KIFC3: variants seen among roughly 807,000 people sequenced by gnomAD.
KIFC3 encodes the protein kinesin-like protein KIFC3.
In KIFC3, 60 loss-of-function variants were observed where a neutral mutation model predicts 101.8. The ratio of observed to expected loss-of-function variants is 0.59; its 90% CI spans 0.48 to 0.73. The LOEUF is 0.73. Among genes scored for constraint, KIFC3 ranks in the 30% least tolerant of loss-of-function variants. The pLI, the probability that KIFC3 is intolerant of heterozygous loss-of-function variation, is 0.00. For synonymous variants in KIFC3, 476 were observed against 482.7 expected (o/e 0.99, Z 0.18); for missense variants, 966 against 1,137.1 (o/e 0.85, Z 2.16).
chr16:57,846,341 T>C (rs1420554041), intron 1 of KIFC3: 9 of 152,324 alleles, frequency 5.9e-5, no homozygotes, highest in African/African-American at 2.2e-4. Flanking sequence ...TACACATCTT[T>C]TCCCTACCTG....
chr16:57,794,948 T>G (rs1234445783), intron 3 of KIFC3, 51 bp downstream of exon 3: 6 of 1,476,958 alleles, frequency 4.1e-6, no homozygotes, highest in Non-Finnish European at 5.3e-6. Context: ...ACCCAGCCAC[T>G]GGAGCTCAGA....
chr16:57,825,123 C>T (rs2055431766), intron 1 of KIFC3, among the ~76,000 whole-genome samples: 1 of 152,218 alleles, frequency 6.6e-6, no homozygotes, highest in African/African-American at 2.4e-5. Flanking sequence ...GTAGATTGCC[C>T]AGCCCTTGGG....
rs375415997 is a variant in KIFC3, at chr16:57,765,556, T to C, written c.1415A>G (p.Asp472Gly). The change falls in exon 11 of 20, where the codon GAT becomes GGT. Residue 472 changes from aspartate (D) to glycine (G), a missense_variant. Physicochemically the swap from Asp to Gly is moderately conservative, Grantham distance 94 (BLOSUM62 -1). This residue lies in a region of KIFC3 where 689 missense variants were observed against 884.6 expected (regional missense o/e 0.78). Transcript: ENST00000445690. Reference sequence around the variant, plus strand: ...GTGGATGATGGAGTCGTCGTCGGCATCGAAAGTCACAGCATTGGTGGCCTC... The same window carrying C: ...GTGGATGATGGAGTCGTCGTCGGCACCGAAAGTCACAGCATTGGTGGCCTC... Reference protein sequence around the residue: ...GPEATNAVTFDADDDSIIHLL... With the variant: ...GPEATNAVTFGADDDSIIHLL... 7 of 1,607,108 alleles carry C rather than the reference T, an allele frequency of 4.4e-6. No individual in the cohort carries two copies. The highest frequency in any genetic ancestry group is 5.9e-6 in the Non-Finnish European group (7 of 1,176,504).
intron 1 of KIFC3, among the ~76,000 whole-genome samples, chr16:57,834,939 T>C (rs6499915): frequency 1 from 152,208 of 152,384 alleles, 76,017 homozygotes; most frequent in Non-Finnish European, 1. Context: ...TGCCAATAGC[T>C]TTTCCCAAGG....
chr16:57,859,372 A>G (rs2056245724), intron 1 of KIFC3, among the ~76,000 whole-genome samples: 1 of 152,176 alleles, frequency 6.6e-6, no homozygotes, highest in Non-Finnish European at 1.5e-5. Context: ...GTCTGCTTCC[A>G]CTTCTAGACT....
intron 1 of KIFC3, among the ~76,000 whole-genome samples, chr16:57,854,906 C>T (rs1169817552): frequency 6.6e-6 from 1 of 152,036 alleles, no homozygotes; most frequent in Non-Finnish European, 1.5e-5. Flanking sequence ...CAACACACTT[C>T]TAAATAATCC....
At chr16:57,791,603 C>A (rs114541210) in intron 3 of KIFC3, among the ~76,000 whole-genome samples, 3 of 152,096 alleles carry the variant, frequency 2.0e-5, no homozygotes, top group Non-Finnish European at 2.9e-5. Context: ...TGTGGGGGCC[C>A]GCCAGGATGT....
chr16:57,795,602 GT>G lies in KIFC3; in HGVS notation c.173-462del, dbSNP rs2054225602. ...ATCCAAACCAGGTGGCCCAGCCTCC[GT>G]TGCCTCCCCAAGCGTATTCAGAACC... On this transcript the variant is annotated intron_variant, in intron 2 of 19. Transcript: ENST00000445690. Among the ~76,000 whole-genome samples, 5 of 152,296 alleles carry G rather than the reference GT, an allele frequency of 3.3e-5. No individual in the cohort carries two copies. In the East Asian group the frequency reaches 7.7e-4, roughly 24 times the overall value.
At position 57,769,482 on chromosome 16, in the gene KIFC3, G is replaced by T; in HGVS notation, c.1218+113C>A. On this transcript the variant is annotated intron_variant, in intron 9 of 19. Coordinates refer to ENST00000445690, the MANE Select transcript of KIFC3 (RefSeq NM_001130100.2). The surrounding 1 kb of genome is among the most constrained non-coding windows in gnomAD (Gnocchi z 4.3). ...AAGTGTCATGGGGGGTGGGGCAGGG[G>T]CTGCTGTCTGAGCGGCTTTGTCTGA... The T allele has an allele frequency of 7.4e-7, 1 of 1,349,574 alleles. No homozygotes were observed. The highest frequency in any genetic ancestry group is 1.0e-6 in the Non-Finnish European group (1 of 992,022). 83.6% of individuals were successfully genotyped at this position (1,349,574 alleles called of 1,614,324 possible). A position where few individuals can be genotyped will look rare whatever the true frequency, so the allele number is the denominator to read the frequency against.
chr16:57,759,443 C>G, intron 18 of KIFC3: 1 of 583,990 alleles, frequency 1.7e-6, no homozygotes, highest in Non-Finnish European at 3.0e-6. Context: ...AGCCCATGCT[C>G]AGAGAGCAGG....
chr16:57,802,317 G>T lies in KIFC3; in HGVS notation c.-40+53C>A. 1.1e-6 allele frequency: 1 copy of T among 912,636 alleles called. No individual in the cohort carries two copies. The highest frequency in any genetic ancestry group is 1.3e-6 in the Non-Finnish European group (1 of 764,032). 56.5% of individuals were successfully genotyped at this position (912,636 alleles called of 1,614,324 possible). The stretch of plus-strand genomic sequence containing the variant: ...GACGCGGCGCCCCAAACGGCGGGCC[G>T]GGCAGAGCCCAGCGCCCCGCTCGCA... On this transcript the variant is annotated intron_variant, in intron 1 of 19. Coordinates refer to ENST00000445690, the MANE Select transcript of KIFC3 (RefSeq NM_001130100.2). The surrounding 1 kb of genome is among the most constrained non-coding windows in gnomAD (Gnocchi z 5.0).
At chr16:57,812,813 G>A (rs999096410) in intron 1 of KIFC3, among the ~76,000 whole-genome samples, 33 of 152,338 alleles carry the variant, frequency 2.2e-4, no homozygotes, top group African/African-American at 7.7e-4. Flanking sequence ...TGTGAGTAAG[G>A]AATACCTGCT....
intron 1 of KIFC3, chr16:57,815,634 G>C (rs1555628626): frequency 4.7e-6 from 6 of 1,289,836 alleles, no homozygotes; most frequent in Non-Finnish European, 6.1e-6. Context: ...TGGAAACGGA[G>C]GCTCCAAAAA....
intron 1 of KIFC3, among the ~76,000 whole-genome samples, chr16:57,798,958 C>T (rs1478507791): frequency 1.3e-5 from 2 of 152,194 alleles, no homozygotes; most frequent in African/African-American, 2.4e-5. Flanking sequence ...CAGGCATCTG[C>T]CAGGGGTCCT....
Position 57,812,026 on chromosome 16 carries a change from G to A in KIFC3, c.109-13744C>T, listed in dbSNP as rs536618526. Among the ~76,000 whole-genome samples, 3 of 150,310 alleles carry A rather than the reference G, an allele frequency of 2.0e-5. No individual in the cohort carries two copies. The South Asian group carries it at 6.3e-4, about 32-fold the overall frequency. On this transcript the variant is annotated intron_variant, in intron 1 of 2. Transcript: ENST00000563028. ...CCACTGCACTACAGCCTAGGTGACAGAGCGAGACCCCGTCTCTCTCTTTTT... is the reference window on the plus strand; with the variant it reads ...CCACTGCACTACAGCCTAGGTGACAAAGCGAGACCCCGTCTCTCTCTTTTT...
In KIFC3 at chr16:57,848,303, G is replaced by A. The variant is rs577469915; in HGVS notation, c.108+14426C>T. On this transcript the variant is annotated intron_variant, in intron 1 of 2. Coordinates refer to the KIFC3 transcript ENST00000563028. Reference sequence around the variant, plus strand: ...AGAGTGGTTTAACTGGCTTAAGAAGGACCACACAGAAAGCCGAAATTCAGG... The same window carrying A: ...AGAGTGGTTTAACTGGCTTAAGAAGAACCACACAGAAAGCCGAAATTCAGG... 3.3e-5 allele frequency among the ~76,000 whole-genome samples: 5 copies of A among 152,222 alleles called. No individual in the cohort carries two copies. In the East Asian group the frequency reaches 7.7e-4, roughly 23 times the overall value.
Position 57,763,164 on chromosome 16 carries a change from G to T in KIFC3, c.1618-894C>A, listed in dbSNP as rs546026433. 5.9e-5 allele frequency among the ~76,000 whole-genome samples: 9 copies of T among 152,312 alleles called. No homozygotes were observed. The South Asian group carries it at 1.7e-3, about 28-fold the overall frequency. On this transcript the variant is annotated intron_variant, in intron 12 of 19. Transcript: ENST00000445690. ...TGGCCCTGTGGGGAGGGCCCTCTGT[G>T]GGGGCAGGGACTGTTTGGGTCACAG... is the stretch of plus-strand genomic sequence containing the variant.
chr16:57,775,629 C>A (rs2051949756), intron 3 of KIFC3: 2 of 985,508 alleles, frequency 2.0e-6, no homozygotes, highest in South Asian at 9.4e-5. Context: ...CACACACTCA[C>A]CGCAGCTTCC....
intron 1 of KIFC3, among the ~76,000 whole-genome samples, chr16:57,808,843 A>G (rs2055003382): frequency 1.3e-5 from 2 of 152,194 alleles, no homozygotes; most frequent in African/African-American, 4.8e-5. Context: ...CTAGTGTCTA[A>G]CCCATTGAGT....
Sources: gnomAD v4.1 joint callset for allele counts (sites outside exome capture counted in the v4.1 genomes callset) on GRCh38, gnomAD v4.1.1 for gene constraint, gnomAD v4.1.1 regional missense constraint, Gnocchi (gnomAD v3.1) non-coding constraint, MANE v1.5 for transcripts, NCBI Gene and HGNC (gene_info 2026-07-23, HGNC 2026-07-21) for gene names.